ZNF724: variants seen among roughly 807,000 people sequenced by gnomAD.
The protein encoded by ZNF724 is zinc finger protein 724, also known as zinc finger protein 724 pseudogene.
ZNF724 carries 14 observed loss-of-function variants against 29.3 expected under a neutral mutation model. That is an observed-to-expected ratio of 0.48 (90% CI 0.32 to 0.75). The LOEUF (loss-of-function observed/expected upper bound fraction) is 0.75. Ranked by LOEUF, ZNF724 falls within the 30% of genes least tolerant of loss-of-function variation. ZNF724 has a pLI of 0.04. For missense variants in ZNF724, 557 were observed against 571.2 expected, an observed-to-expected ratio of 0.98 and a Z score of 0.25; for synonymous variants, 180 against 193.6, an observed-to-expected ratio of 0.93 and a Z score of 0.58.
At chr19:23,239,733 C>T (rs1380872699) in intron 1 of ZNF724, among the ~76,000 whole-genome samples, 1 of 152,008 alleles carries the variant, frequency 6.6e-6, no homozygotes, top group Non-Finnish European at 1.5e-5. Flanking sequence ...ATCCCTTGAA[C>T]CCAGGAGACA....
intron 1 of ZNF724, among the ~76,000 whole-genome samples, chr19:23,248,590 T>C (rs1313496067): frequency 6.6e-6 from 1 of 151,990 alleles, no homozygotes; most frequent in African/African-American, 2.4e-5. Flanking sequence ...CATTTTTTTT[T>C]TTTTTGTAAA....
chr19:23,229,705 C>A (rs1971901398), intron 3 of ZNF724, among the ~76,000 whole-genome samples: 1 of 152,172 alleles, frequency 6.6e-6, no homozygotes. Context: ...ACCTACAACC[C>A]CTCTTCATTA....
At chr19:23,245,977 T>TC (rs1480969164) in intron 1 of ZNF724, among the ~76,000 whole-genome samples, 9 of 152,128 alleles carry the variant, frequency 5.9e-5, no homozygotes, top group Admixed American at 5.9e-4. Flanking sequence ...AAAGGCTTCT[T>TC]CCATGGCTGG....
In ZNF724 at chr19:23,243,423, C is replaced by T. The variant is rs1231291786; in HGVS notation, c.3+6817G>A. Reference sequence around the variant, plus strand: ...CCTGGGAGGCAGAGGTTGCAGTGAGCTGAGATCGCGCCACTGCACTCCAGC... The same window carrying T: ...CCTGGGAGGCAGAGGTTGCAGTGAGTTGAGATCGCGCCACTGCACTCCAGC... On this transcript the variant is annotated intron_variant, in intron 1 of 3. Coordinates refer to ENST00000418100, the MANE Select transcript of ZNF724 (RefSeq NM_001355404.2). 3.0e-5 allele frequency among the ~76,000 whole-genome samples: 4 copies of T among 131,646 alleles called. No homozygotes were observed. The East Asian group carries it at 9.4e-4, about 31-fold the overall frequency. 86.4% of individuals were successfully genotyped at this position (131,646 alleles called of 152,430 possible).
Position 23,247,029 on chromosome 19 carries a change from C to A in ZNF724, c.3+3211G>T, listed in dbSNP as rs187339055. ...CCTGAGGTCAGGAGTTCAAGACCAG[C>A]CTGGCCAACATGGCGAAACCCCGTG... On this transcript the variant is annotated intron_variant, in intron 1 of 3. Coordinates refer to ENST00000418100, the MANE Select transcript of ZNF724 (RefSeq NM_001355404.2). Among the ~76,000 whole-genome samples, 836 of 152,194 alleles carry A rather than the reference C, an allele frequency of 5.5e-3. 8 individuals carry two copies. Among genetic ancestry groups the A allele is most frequent in the Non-Finnish European group, 4.6e-3 (316 of 68,022 alleles).
intron 1 of ZNF724, among the ~76,000 whole-genome samples, chr19:23,241,489 A>G (rs1311114858): frequency 6.6e-6 from 1 of 152,188 alleles, no homozygotes; most frequent in African/African-American, 2.4e-5. Flanking sequence ...TGCTGCAAAA[A>G]TCCTCAACAA....
At chr19:23,226,478 G>A (rs1971829397) in intron 3 of ZNF724, among the ~76,000 whole-genome samples, 1 of 152,118 alleles carries the variant, frequency 6.6e-6, no homozygotes. Flanking sequence ...GTCCTAATAT[G>A]TACACTTAAA....
At chr19:23,231,797 G>A (rs923524223) in intron 2 of ZNF724, among the ~76,000 whole-genome samples, 2 of 150,918 alleles carry the variant, frequency 1.3e-5, no homozygotes, top group Admixed American at 6.6e-5. Flanking sequence ...ACAGTGGTAC[G>A]ATCTCGGCTC....
intron 3 of ZNF724, among the ~76,000 whole-genome samples, chr19:23,226,652 G>A (rs1479385082): frequency 1.3e-5 from 2 of 152,064 alleles, no homozygotes; most frequent in Non-Finnish European, 2.9e-5. Flanking sequence ...ATTAAACACA[G>A]TGTAGAAATA....
intron 3 of ZNF724, among the ~76,000 whole-genome samples, chr19:23,227,279 G>A (rs12609400): frequency 0.47 from 71,900 of 151,874 alleles, 19,070 homozygotes; most frequent in East Asian, 0.68. Flanking sequence ...AGCAGGCCAG[G>A]CGTGGTGGCT....
intron 1 of ZNF724, among the ~76,000 whole-genome samples, chr19:23,246,166 G>GT (rs1346550989): frequency 6.6e-6 from 1 of 151,932 alleles, no homozygotes; most frequent in Admixed American, 6.6e-5. Context: ...GAAAAATCAA[G>GT]TAAAATTACT....
chr19:23,246,386 G>C (rs1972234768), intron 1 of ZNF724, among the ~76,000 whole-genome samples: 1 of 152,190 alleles, frequency 6.6e-6, no homozygotes, highest in African/African-American at 2.4e-5. Context: ...GCCGGGCGCA[G>C]TGGATCACAC....
At chr19:23,248,632 TA>T (rs2145798937) in intron 1 of ZNF724, among the ~76,000 whole-genome samples, 1 of 152,064 alleles carries the variant, frequency 6.6e-6, no homozygotes, top group South Asian at 2.1e-4. Context: ...AATTCAGGCT[TA>T]ACCGACTATA....
rs192271279 is a variant in ZNF724 at position 23,223,232 on chromosome 19, T to C, written c.1013A>G (p.Tyr338Cys). 3.7e-5 allele frequency: 36 copies of C among 964,460 alleles called. No homozygotes were observed. In the East Asian group the frequency reaches 6.0e-4, roughly 16 times the overall value. The allele number at this position is 964,460 out of a possible 1,614,324, so 59.7% of individuals were successfully genotyped here. A position where few individuals can be genotyped will look rare whatever the true frequency, so the allele number is the denominator to read the frequency against. The part of the protein sequence containing the change: ...HKRIHTGDKP[Y>C]KCEECGKAFN... ...GGCTTTGCCACATTCTTCACATTTATAAGGTTTATCACCAGTATGAATTCT... is the reference window on the plus strand; with the variant it reads ...GGCTTTGCCACATTCTTCACATTTACAAGGTTTATCACCAGTATGAATTCT... Residue 338 changes from tyrosine to cysteine, a missense_variant, in exon 4 of 4, where the codon TAT becomes TGT. By Grantham distance (194) the Tyr-to-Cys change is radical (BLOSUM62 -2). Coordinates refer to ENST00000418100, the MANE Select transcript of ZNF724 (RefSeq NM_001355404.2).
chr19:23,248,045 C>A (rs1056851407), intron 1 of ZNF724, among the ~76,000 whole-genome samples: 6 of 152,066 alleles, frequency 3.9e-5, no homozygotes, highest in Non-Finnish European at 8.8e-5. Flanking sequence ...GGACACATCA[C>A]CCCATAAAGT....
At chr19:23,234,866 CT>C (rs1568342267) in intron 1 of ZNF724, among the ~76,000 whole-genome samples, 2 of 152,182 alleles carry the variant, frequency 1.3e-5, no homozygotes, top group Non-Finnish European at 2.9e-5. Flanking sequence ...AATAAGTCCC[CT>C]GTCAATGCTG....
chr19:23,240,091 C>T (rs1972092490), intron 1 of ZNF724, among the ~76,000 whole-genome samples: 1 of 152,048 alleles, frequency 6.6e-6, no homozygotes. Context: ...GAAGGTGGAT[C>T]ACCTGAGGTC....
intron 1 of ZNF724, among the ~76,000 whole-genome samples, chr19:23,246,668 A>C (rs1366474074): frequency 6.6e-6 from 1 of 152,084 alleles, no homozygotes; most frequent in African/African-American, 2.4e-5. Flanking sequence ...GAAAAAAAAA[A>C]AAGAATTAGC....
At chr19:23,244,811 A>G (rs1972209110) in intron 1 of ZNF724, among the ~76,000 whole-genome samples, 1 of 152,172 alleles carries the variant, frequency 6.6e-6, no homozygotes. Flanking sequence ...TGAGCCCATT[A>G]TGAGCTACTG....
Sources: gnomAD v4.1 joint callset for allele counts (sites outside exome capture counted in the v4.1 genomes callset) on GRCh38, gnomAD v4.1.1 for gene constraint, MANE v1.5 for transcripts, NCBI Gene and HGNC (gene_info 2026-07-23, HGNC 2026-07-21) for gene names.